VAC14: variants seen among roughly 807,000 people sequenced by gnomAD.
VAC14 encodes the protein protein VAC14 homolog.
In VAC14, 47 loss-of-function variants were observed where a neutral mutation model predicts 85.3. That is an observed-to-expected ratio of 0.55 (90% CI 0.44 to 0.70). The LOEUF (loss-of-function observed/expected upper bound fraction) is 0.70. Ranked by LOEUF, VAC14 falls within the 30% of genes least tolerant of loss-of-function variation. VAC14 has a pLI of 0.00. For synonymous variants in VAC14, 447 were observed against 430.5 expected (o/e 1.04, Z -0.47); for missense variants, 861 against 1,004.3 (o/e 0.86, Z 1.93).
intron 1 of VAC14, among the ~76,000 whole-genome samples, chr16:70,796,173 C>T (rs572688243): frequency 2.8e-4 from 42 of 152,310 alleles, no homozygotes; most frequent in Admixed American, 2.5e-3. Flanking sequence ...TTCTCCAGAA[C>T]TTTGTACAAC....
chr16:70,786,907 G>A (rs184800039), intron 1 of VAC14, among the ~76,000 whole-genome samples: 1 of 152,344 alleles, frequency 6.6e-6, no homozygotes, highest in African/African-American at 2.4e-5. Context: ...GGGCTACAGG[G>A]AGGTGCCGGC....
At chr16:70,789,427 A>G (rs996706558) in intron 1 of VAC14, among the ~76,000 whole-genome samples, 6 of 152,232 alleles carry the variant, frequency 3.9e-5, no homozygotes, top group East Asian at 1.9e-4. Flanking sequence ...CTGGCTTCAT[A>G]TTCTGTTAAT....
intron 13 of VAC14, among the ~76,000 whole-genome samples, chr16:70,731,883 T>C (rs1036659921): frequency 6.6e-6 from 1 of 151,376 alleles, no homozygotes; most frequent in Non-Finnish European, 1.5e-5. Context: ...AAAAAAAAAA[T>C]CCCATTACTG....
intron 1 of VAC14, among the ~76,000 whole-genome samples, chr16:70,795,815 G>A (rs760377797): frequency 1.3e-5 from 2 of 152,200 alleles, no homozygotes; most frequent in Non-Finnish European, 2.9e-5. Flanking sequence ...CAGGGAGGTA[G>A]AACCACAGAT....
intron 1 of VAC14, among the ~76,000 whole-genome samples, chr16:70,790,840 G>A (rs958501767): frequency 1.3e-5 from 2 of 152,160 alleles, no homozygotes; most frequent in East Asian, 1.9e-4. Context: ...TACTGTTTCC[G>A]CCCCTGCACT....
intron 1 of VAC14, among the ~76,000 whole-genome samples, chr16:70,798,338 T>G (rs1486222659): frequency 6.6e-6 from 1 of 152,198 alleles, no homozygotes; most frequent in African/African-American, 2.4e-5. Context: ...GACTCTTCTT[T>G]TGTTGGGCAT....
At chr16:70,757,297 G>A (rs1197509270) in intron 12 of VAC14, among the ~76,000 whole-genome samples, 5 of 152,218 alleles carry the variant, frequency 3.3e-5, no homozygotes. Context: ...CTCTGCTGAC[G>A]ACGCCATTTC....
At chr16:70,713,280 GC>G (rs2054076192) in intron 14 of VAC14, among the ~76,000 whole-genome samples, 2 of 152,186 alleles carry the variant, frequency 1.3e-5, no homozygotes, top group Non-Finnish European at 2.9e-5. Flanking sequence ...TCCACTTAGA[GC>G]AAAAAAGCTA....
chr16:70,784,857 G>C lies in VAC14; in HGVS notation c.424-19C>G, dbSNP rs199609992. 14 of 1,612,438 alleles carry C rather than the reference G, an allele frequency of 8.7e-6. No homozygotes were observed. Among genetic ancestry groups the C allele is most frequent in the Middle Eastern group, 1.7e-4 (1 of 6,056 alleles). On this transcript the variant is annotated intron_variant, in intron 3 of 18. Transcript: ENST00000261776. Reference sequence around the variant, plus strand: ...CTGCCAGCTGCAAGAGGCACAGACAGGGGAGGGACACAGAGGCGAGGGTCA... The same window carrying C: ...CTGCCAGCTGCAAGAGGCACAGACACGGGAGGGACACAGAGGCGAGGGTCA...
intron 13 of VAC14, among the ~76,000 whole-genome samples, chr16:70,733,411 T>C (rs1404428191): frequency 6.6e-6 from 1 of 152,104 alleles, no homozygotes; most frequent in South Asian, 2.1e-4. Context: ...TCCCATTCTG[T>C]TGATTTTTTT....
intron 9 of VAC14, among the ~76,000 whole-genome samples, chr16:70,774,111 G>T (rs988600435): frequency 6.6e-6 from 1 of 151,968 alleles, no homozygotes; most frequent in Non-Finnish European, 1.5e-5. Flanking sequence ...GGTTAACTTC[G>T]ATACACTACC....
intron 14 of VAC14, among the ~76,000 whole-genome samples, chr16:70,725,105 C>T (rs1377477128): frequency 6.6e-6 from 1 of 152,262 alleles, no homozygotes; most frequent in Admixed American, 6.5e-5. Flanking sequence ...CTGGTCTGGC[C>T]ACTTCACTCT....
intron 1 of VAC14, 57 bp downstream of exon 1, chr16:70,800,740 T>G: frequency 1.3e-6 from 2 of 1,497,496 alleles, no homozygotes; most frequent in Non-Finnish European, 1.8e-6. Flanking sequence ...GAAGTCCCCC[T>G]GGGGAGCAGA....
At chr16:70,781,327 T>A (rs1389202371) in intron 8 of VAC14, among the ~76,000 whole-genome samples, 3 of 152,154 alleles carry the variant, frequency 2.0e-5, no homozygotes, top group African/African-American at 7.2e-5. Context: ...CAACCTCTTT[T>A]CTTTATAAAT....
In VAC14 at chr16:70,786,556, C is replaced by T. The variant is rs1598013383; in HGVS notation, c.105-191G>A. The T allele has an allele frequency of 4.6e-6, 3 of 656,282 alleles. No individual in the cohort carries two copies. In the East Asian group the frequency reaches 8.3e-5, roughly 18 times the overall value. The allele number at this position is 656,282 out of a possible 1,614,324, so 40.7% of individuals were successfully genotyped here. A position where few individuals can be genotyped will look rare whatever the true frequency, so the allele number is the denominator to read the frequency against. ...TTTCCCTATTCTGGGTCTCAGTTTC[C>T]CTTTGTGTACAATGGAATAAGGAAC... On this transcript the variant is annotated intron_variant, in intron 1 of 18. Transcript: ENST00000261776.
chr16:70,702,680 G>A (rs925992967), intron 14 of VAC14, among the ~76,000 whole-genome samples: 6 of 152,244 alleles, frequency 3.9e-5, no homozygotes, highest in African/African-American at 1.2e-4. Flanking sequence ...AATAGCGGAA[G>A]TGTTGGCCAG....
intron 12 of VAC14, among the ~76,000 whole-genome samples, chr16:70,753,421 G>A (rs1285775275): frequency 6.6e-6 from 1 of 152,180 alleles, no homozygotes; most frequent in African/African-American, 2.4e-5. Context: ...CATCTCCAGA[G>A]GAGGAAAAAT....
At position 70,690,558 on chromosome 16, in the gene VAC14, G is replaced by C. The variant is rs892035273; in HGVS notation, c.2186+2263C>G. ...GGGAGTGGCCCAGAAGCCAGGGGGT[G>C]GGGGAGCTGAGGTCCCCAGGGCCTT... On this transcript the variant is annotated intron_variant, in intron 18 of 18. Transcript: ENST00000261776. The C allele has an allele frequency of 3.0e-6, 3 of 985,356 alleles. No homozygotes were observed. The African/African-American group carries it at 5.2e-5, about 17-fold the overall frequency. 61.0% of individuals were successfully genotyped at this position (985,356 alleles called of 1,614,324 possible).
intron 13 of VAC14, among the ~76,000 whole-genome samples, chr16:70,744,218 C>A (rs1851620930): frequency 6.6e-6 from 1 of 152,276 alleles, no homozygotes; most frequent in African/African-American, 2.4e-5. Flanking sequence ...CTGTGAGGGT[C>A]TCTGGAGGCT....
Sources: gnomAD v4.1 joint callset for allele counts (sites outside exome capture counted in the v4.1 genomes callset) on GRCh38, gnomAD v4.1.1 for gene constraint, MANE v1.5 for transcripts, NCBI Gene and HGNC (gene_info 2026-07-23, HGNC 2026-07-21) for gene names.